Variants in RASEF observed in about 807,000 individuals in gnomAD.
RASEF encodes ras and EF-hand domain-containing protein.
RASEF carries 68 observed loss-of-function variants against 90.1 expected under a neutral mutation model. That is an observed-to-expected ratio of 0.75 (90% CI 0.62 to 0.92). RASEF has a LOEUF of 0.92. Ranked by LOEUF, RASEF falls within the 40% of genes least tolerant of loss-of-function variation. The pLI, the probability that RASEF is intolerant of heterozygous loss-of-function variation, is 0.00. For synonymous variants in RASEF, 331 were observed against 345.2 expected, an observed-to-expected ratio of 0.96 and a Z score of 0.46; for missense variants, 949 against 937.2, an observed-to-expected ratio of 1.01 and a Z score of -0.16.
chr9:83,185,610 AC>A, the RASEF span, among the ~76,000 whole-genome samples: 2 of 152,194 alleles, frequency 1.3e-5, no homozygotes, highest in East Asian at 3.9e-4. Flanking sequence ...GATGTTCCCA[AC>A]AACAAAACAC....
At chr9:83,181,338 G>A in the RASEF span, among the ~76,000 whole-genome samples, 1 of 152,046 alleles carries the variant, frequency 6.6e-6, no homozygotes, top group Non-Finnish European at 1.5e-5. Flanking sequence ...CATGGGTAGA[G>A]TTACAAGGAG....
the RASEF span, among the ~76,000 whole-genome samples, chr9:83,088,154 C>G: frequency 7.9e-4 from 120 of 152,022 alleles, 1 homozygote; most frequent in African/African-American, 2.8e-3. Flanking sequence ...GTCCTAGTAT[C>G]TGGTATTTCC....
intron 1 of RASEF, among the ~76,000 whole-genome samples, chr9:83,059,910 C>T (rs1210826846): frequency 1.3e-5 from 2 of 152,154 alleles, no homozygotes; most frequent in African/African-American, 2.4e-5. Context: ...ACACATATCC[C>T]AAAAGCTACT....
the RASEF span, among the ~76,000 whole-genome samples, chr9:83,094,066 C>G: frequency 6.6e-6 from 1 of 152,110 alleles, no homozygotes; most frequent in African/African-American, 2.4e-5. Context: ...TAATGTGCAA[C>G]ATTTCTCAAA....
chr9:83,007,960 C>T (rs1270901494), intron 6 of RASEF, among the ~76,000 whole-genome samples: 1 of 152,232 alleles, frequency 6.6e-6, no homozygotes, highest in South Asian at 2.1e-4. Flanking sequence ...TTCTCCTTTC[C>T]TGTGATTCCT....
chr9:83,066,488 A>C (rs922175808), upstream of RASEF, among the ~76,000 whole-genome samples: 1 of 152,234 alleles, frequency 6.6e-6, no homozygotes, highest in Non-Finnish European at 1.5e-5. Flanking sequence ...GCAAAGAGAA[A>C]AGAAAGAAAT....
rs752528621 is a variant in RASEF at position 82,993,037 on chromosome 9, A to G, written c.1921-12T>C. ...TCATGGGCTGCATCCTACCAGGAAG[A>G]AAAAAAAAATGGGGCACACATCAAA... On this transcript the variant is annotated splice_polypyrimidine_tract_variant and intron_variant, in intron 14 of 16. Coordinates refer to ENST00000376447, the MANE Select transcript of RASEF (RefSeq NM_152573.4). 4.1e-5 allele frequency: 58 copies of G among 1,416,936 alleles called. No homozygotes were observed. Among genetic ancestry groups the G allele is most frequent in the East Asian group, 4.9e-5 (2 of 40,924 alleles). 87.8% of individuals were successfully genotyped at this position (1,416,936 alleles called of 1,614,324 possible).
the RASEF span, among the ~76,000 whole-genome samples, chr9:83,116,681 A>G: frequency 6.6e-6 from 1 of 152,222 alleles, no homozygotes; most frequent in Non-Finnish European, 1.5e-5. Context: ...TTTATAAATA[A>G]GTTATCTGAG....
the RASEF span, among the ~76,000 whole-genome samples, chr9:83,109,806 C>T: frequency 3.9e-5 from 6 of 152,264 alleles, no homozygotes; most frequent in African/African-American, 1.2e-4. Flanking sequence ...CATTTCCTCC[C>T]AGACGCGTTA....
the RASEF span, among the ~76,000 whole-genome samples, chr9:83,068,682 G>C: frequency 6.6e-6 from 1 of 152,238 alleles, no homozygotes; most frequent in Non-Finnish European, 1.5e-5. Context: ...CAGTTCAGCT[G>C]TTCCTGGACT....
chr9:83,170,180 G>C, the RASEF span, among the ~76,000 whole-genome samples: 2 of 152,014 alleles, frequency 1.3e-5, no homozygotes, highest in Non-Finnish European at 2.9e-5. Context: ...TTATTGAAGA[G>C]ACTGTGCTTT....
At chr9:83,162,779 G>A in the RASEF span, among the ~76,000 whole-genome samples, 1 of 152,158 alleles carries the variant, frequency 6.6e-6, no homozygotes, top group Admixed American at 6.6e-5. Flanking sequence ...CCACTGCCAG[G>A]CAGGAAAATC....
intron 1 of RASEF, among the ~76,000 whole-genome samples, chr9:83,038,418 T>G (rs1195509571): frequency 1.3e-5 from 2 of 152,232 alleles, no homozygotes; most frequent in East Asian, 3.9e-4. Flanking sequence ...GTCAACAATT[T>G]CAAATTTAAT....
Position 82,980,333 on chromosome 9 carries a change from T to TAA in RASEF, c.*2343_*2344insTT, listed in dbSNP as rs1828575701. ...GGTAATAATCATGAATCTCCCAGCA[T>TAA]ACAGAGCTTTAAGAAGCTTCTCTTT... On this transcript the variant is annotated 3_prime_UTR_variant, in exon 17 of 17. Coordinates refer to ENST00000376447, the MANE Select transcript of RASEF (RefSeq NM_152573.4). 6.6e-6 allele frequency: 1 copy of TAA among 152,204 alleles called. No homozygotes were observed. The highest frequency in any genetic ancestry group is 2.1e-4 in the South Asian group (1 of 4,830). The allele number at this position is 152,204 out of a possible 1,614,324, so 9.4% of individuals were successfully genotyped here.
chr9:83,200,382 C>G, the RASEF span, among the ~76,000 whole-genome samples: 2 of 152,162 alleles, frequency 1.3e-5, no homozygotes, highest in South Asian at 4.2e-4. Context: ...GGCAACAGAG[C>G]AAGATTCCGT....
At chr9:83,097,745 G>A in the RASEF span, among the ~76,000 whole-genome samples, 4 of 152,138 alleles carry the variant, frequency 2.6e-5, no homozygotes. Context: ...TTCAAGTTCA[G>A]GTCTTTCTGC....
chr9:83,169,509 T>C, the RASEF span, among the ~76,000 whole-genome samples: 1 of 152,080 alleles, frequency 6.6e-6, no homozygotes, highest in African/African-American at 2.4e-5. Context: ...CGGTGTAGTG[T>C]ATGAGCATTT....
chr9:83,169,053 T>A, the RASEF span, among the ~76,000 whole-genome samples: 1 of 103,148 alleles, frequency 9.7e-6, no homozygotes, highest in Non-Finnish European at 2.4e-5. Flanking sequence ...AAGAGATCAT[T>A]TTTTTTTTAG....
intron 12 of RASEF, 101 bp from the exon 13 acceptor site, chr9:82,998,547 C>G: frequency 1.3e-6 from 1 of 747,642 alleles, no homozygotes; most frequent in East Asian, 2.5e-5. Flanking sequence ...TAATACACAG[C>G]TCAGCCAGGG....
Sources: gnomAD v4.1 joint callset for allele counts (sites outside exome capture counted in the v4.1 genomes callset) on GRCh38, gnomAD v4.1.1 for gene constraint, MANE v1.5 for transcripts, NCBI Gene and HGNC (gene_info 2026-07-23, HGNC 2026-07-21) for gene names.